Variants in SHISA9 observed in about 807,000 individuals in gnomAD.
SHISA9 encodes the protein protein shisa-9.
A neutral mutation model predicts 38.0 loss-of-function variants in SHISA9; 13 were observed. The observed-to-expected ratio is 0.34, with a 90% CI of 0.22 to 0.54. The LOEUF (loss-of-function observed/expected upper bound fraction) is 0.54. SHISA9 is among the 20% of genes least tolerant of loss of function. The pLI, the probability that SHISA9 is intolerant of heterozygous loss-of-function variation, is 0.91. For missense variants in SHISA9, 538 were observed against 575.8 expected (o/e 0.93, Z 0.67); for synonymous variants, 275 against 242.0 (o/e 1.14, Z -1.27).
the SHISA9 span, among the ~76,000 whole-genome samples, chr16:13,307,194 C>A: frequency 6.6e-6 from 1 of 152,188 alleles, no homozygotes; most frequent in African/African-American, 2.4e-5. Flanking sequence ...ACTTACATAT[C>A]CCAGAGTTGT....
chr16:12,922,086 T>C (rs2071335692), intron 2 of SHISA9, among the ~76,000 whole-genome samples: 1 of 152,226 alleles, frequency 6.6e-6, no homozygotes, highest in Admixed American at 6.5e-5. Flanking sequence ...TCTGTGATTA[T>C]AACCACTACA....
chr16:13,348,957 C>T, the SHISA9 span, among the ~76,000 whole-genome samples: 9 of 152,170 alleles, frequency 5.9e-5, no homozygotes, highest in East Asian at 2.0e-4. Context: ...AGGTTAGTGG[C>T]CCACAGAGTC....
At chr16:13,097,900 G>C (rs1409670085) in intron 2 of SHISA9, among the ~76,000 whole-genome samples, 1 of 152,192 alleles carries the variant, frequency 6.6e-6, no homozygotes, top group Non-Finnish European at 1.5e-5. Context: ...TTCTGAGTTA[G>C]AGCAAACAAG....
intron 2 of SHISA9, among the ~76,000 whole-genome samples, chr16:13,101,630 T>C (rs191569792): frequency 1.3e-5 from 2 of 152,368 alleles, no homozygotes; most frequent in Non-Finnish European, 2.9e-5. Context: ...ACTGTTCCTT[T>C]GCATATATAC....
intron 2 of SHISA9, among the ~76,000 whole-genome samples, chr16:12,995,600 T>C (rs2072448350): frequency 1.3e-5 from 2 of 152,206 alleles, no homozygotes; most frequent in Non-Finnish European, 2.9e-5. Context: ...GCAGAAAGGA[T>C]GTGCTCGGAT....
chr16:13,130,485 C>A (rs1336823839), intron 2 of SHISA9, among the ~76,000 whole-genome samples: 1 of 152,100 alleles, frequency 6.6e-6, no homozygotes, highest in Non-Finnish European at 1.5e-5. Flanking sequence ...AATATTGATA[C>A]CACATCCTTA....
chr16:13,285,462 G>GTT, the SHISA9 span, among the ~76,000 whole-genome samples: 1,863 of 95,778 alleles, frequency 0.019, 74 homozygotes, highest in African/African-American at 0.058. Flanking sequence ...TTCAGGTGTA[G>GTT]TTTTTTTTTT....
intron 1 of SHISA9, among the ~76,000 whole-genome samples, chr16:12,913,725 G>A (rs1054981280): frequency 1.3e-5 from 2 of 152,122 alleles, no homozygotes; most frequent in African/African-American, 2.4e-5. Context: ...TTATGGATTT[G>A]CCTGTTCTGG....
the SHISA9 span, among the ~76,000 whole-genome samples, chr16:13,373,621 G>A: frequency 1.3e-5 from 2 of 152,146 alleles, no homozygotes; most frequent in Non-Finnish European, 2.9e-5. Flanking sequence ...AATCAGCCGG[G>A]CATGGTAGCG....
chr16:13,472,740 T>TA, the SHISA9 span, among the ~76,000 whole-genome samples: 2 of 152,284 alleles, frequency 1.3e-5, no homozygotes, highest in East Asian at 3.9e-4. Flanking sequence ...TCATTTTTGA[T>TA]AGTTTCTCTT....
At chr16:13,340,558 G>A in the SHISA9 span, among the ~76,000 whole-genome samples, 1 of 152,154 alleles carries the variant, frequency 6.6e-6, no homozygotes, top group Non-Finnish European at 1.5e-5. Context: ...ACCCTCTGGG[G>A]AGCTGGAAAT....
chr16:13,198,665 C>T (rs2050974301), intron 2 of SHISA9, among the ~76,000 whole-genome samples: 1 of 152,180 alleles, frequency 6.6e-6, no homozygotes, highest in Admixed American at 6.5e-5. Flanking sequence ...TCTCTATCTT[C>T]CTGTCCAGTG....
chr16:12,993,161 C>T (rs1054800586), intron 2 of SHISA9, among the ~76,000 whole-genome samples: 5 of 152,132 alleles, frequency 3.3e-5, no homozygotes, highest in Admixed American at 6.5e-5. Context: ...TCGGCCTGTC[C>T]GTGAGGCTCC....
intron 2 of SHISA9, among the ~76,000 whole-genome samples, chr16:13,166,756 C>T (rs1248604065): frequency 6.6e-6 from 1 of 152,142 alleles, no homozygotes; most frequent in Non-Finnish European, 1.5e-5. Flanking sequence ...TACTGGTGAT[C>T]TTCACAAGGT....
chr16:13,361,974 T>C, the SHISA9 span, among the ~76,000 whole-genome samples: 1 of 151,272 alleles, frequency 6.6e-6, no homozygotes, highest in Non-Finnish European at 1.5e-5. Flanking sequence ...AGACCTAGAG[T>C]CAAACCCCGT....
At chr16:13,305,599 T>C in the SHISA9 span, among the ~76,000 whole-genome samples, 1 of 152,162 alleles carries the variant, frequency 6.6e-6, no homozygotes, top group Non-Finnish European at 1.5e-5. Flanking sequence ...GGTAAGGAAC[T>C]GATGATTCCA....
At chr16:12,948,361 C>T (rs1055052897) in intron 2 of SHISA9, among the ~76,000 whole-genome samples, 39 of 152,158 alleles carry the variant, frequency 2.6e-4, no homozygotes, top group African/African-American at 9.2e-4. Context: ...CCTGGAAAAA[C>T]TGGAAAATAC....
intron 2 of SHISA9, among the ~76,000 whole-genome samples, chr16:13,022,230 C>A (rs1488739081): frequency 5.3e-5 from 8 of 152,186 alleles, no homozygotes; most frequent in Admixed American, 4.6e-4. Flanking sequence ...CAGCTCACTG[C>A]AGCTTTGAAT....
At chr16:12,946,075 C>T (rs149251969) in intron 2 of SHISA9, among the ~76,000 whole-genome samples, 1 of 152,306 alleles carries the variant, frequency 6.6e-6, no homozygotes, top group Admixed American at 6.5e-5. Flanking sequence ...CCTGTTTTCC[C>T]AGCACCATTT....
Sources: gnomAD v4.1 joint callset for allele counts (sites outside exome capture counted in the v4.1 genomes callset) on GRCh38, gnomAD v4.1.1 for gene constraint, MANE v1.5 for transcripts, NCBI Gene and HGNC (gene_info 2026-07-23, HGNC 2026-07-21) for gene names.